SMAD3: variants seen among roughly 807,000 people sequenced by gnomAD.
SMAD3 encodes the protein SMAD family member 3.
In SMAD3, 12 loss-of-function variants were observed where a neutral mutation model predicts 51.8. The ratio of observed to expected loss-of-function variants is 0.23; its 90% CI spans 0.15 to 0.38. The LOEUF (loss-of-function observed/expected upper bound fraction) is 0.38. Among genes scored for constraint, SMAD3 ranks in the 10% least tolerant of loss-of-function variants. The probability of loss-of-function intolerance (pLI) is 1.00; values close to 1 mark genes in which losing one functional copy is unlikely to be tolerated. For synonymous variants in SMAD3, 238 were observed against 227.7 expected, an observed-to-expected ratio of 1.05 and a Z score of -0.41; for missense variants, 294 against 565.6, an observed-to-expected ratio of 0.52 and a Z score of 4.87.
rs1384059072 is a variant in SMAD3 at position 67,165,091 on chromosome 15, A to G, written c.400+3A>G. 1 of 1,614,132 alleles carries G rather than the reference A, an allele frequency of 6.2e-7. No individual in the cohort carries two copies. The highest frequency in any genetic ancestry group is 1.1e-5 in the South Asian group (1 of 91,082). ...CTACCAGAGAGTAGAGACACCAGGT[A>G]TGCTGCCTGGCCTGCCTGTGGGGAC... On this transcript the variant is annotated splice_donor_region_variant and intron_variant, in intron 2 of 8. Coordinates refer to ENST00000327367, the MANE Select transcript of SMAD3 (RefSeq NM_005902.4).
chr15:67,150,048 A>G (rs11637659), intron 1 of SMAD3, among the ~76,000 whole-genome samples: 122,697 of 152,138 alleles, frequency 0.81, 49,455 homozygotes, highest in Middle Eastern at 0.82. Context: ...TAAAAAGAAG[A>G]GACTGAGTTG....
Position 67,191,956 on chromosome 15 carries a change from C to G in SMAD3, c.*1420C>G. 1 of 229,404 alleles carries G rather than the reference C, an allele frequency of 4.4e-6. No homozygotes were observed. Among genetic ancestry groups the G allele is most frequent in the Non-Finnish European group, 8.7e-6 (1 of 115,308 alleles). 14.2% of individuals were successfully genotyped at this position (229,404 alleles called of 1,614,324 possible). On this transcript the variant is annotated 3_prime_UTR_variant, in exon 9 of 9. Coordinates refer to ENST00000327367, the MANE Select transcript of SMAD3 (RefSeq NM_005902.4). ...TCAACTGGAAAAAAGAAAAAAGAGTCCTCTTCTTTTCCCAGCCTTTTGCAG... is the reference window on the plus strand; with the variant it reads ...TCAACTGGAAAAAAGAAAAAAGAGTGCTCTTCTTTTCCCAGCCTTTTGCAG...
chr15:67,097,431 A>G (rs1301555504), intron 1 of SMAD3, among the ~76,000 whole-genome samples: 1 of 152,022 alleles, frequency 6.6e-6, no homozygotes, highest in Non-Finnish European at 1.5e-5. Context: ...TTTTGTAGAA[A>G]CAGAGTTTCA....
intron 1 of SMAD3, among the ~76,000 whole-genome samples, chr15:67,100,793 C>T (rs2140224035): frequency 6.6e-6 from 1 of 152,332 alleles, no homozygotes; most frequent in Non-Finnish European, 1.5e-5. Context: ...AATCCAGGCT[C>T]TACCTTTATG....
intron 5 of SMAD3, among the ~76,000 whole-genome samples, chr15:67,170,850 CGTGA>C (rs1467367052): frequency 1.3e-5 from 2 of 152,164 alleles, no homozygotes; most frequent in African/African-American, 4.8e-5. Flanking sequence ...GGCGGGTAGA[CGTGA>C]GTGAATGAAA....
At chr15:67,182,993 AAAAAAAAATATAT>A (rs1963104725) in intron 6 of SMAD3, among the ~76,000 whole-genome samples, 1 of 54,706 alleles carries the variant, frequency 1.8e-5, no homozygotes, top group East Asian at 7.3e-4. Flanking sequence ...TATTAAAAAA[AAAAAAAAATATAT>A]ATATATATAT....
intron 1 of SMAD3, among the ~76,000 whole-genome samples, chr15:67,094,214 A>G (rs1207678565): frequency 2.0e-5 from 3 of 152,154 alleles, no homozygotes; most frequent in Non-Finnish European, 4.4e-5. Flanking sequence ...GTGGCCATCC[A>G]CCAACCATCA....
rs187183651 is a variant in SMAD3 at position 67,092,750 on chromosome 15, C to T, written c.206+26390C>T. Among the ~76,000 whole-genome samples, 82 of 152,350 alleles carry T rather than the reference C, an allele frequency of 5.4e-4. 1 individual carries two copies. Among genetic ancestry groups the T allele is most frequent in the African/African-American group, 1.9e-3 (77 of 41,574 alleles). ...GTGCCCCTTTAGGCCCAAGCCTGCC[C>T]TTGCTCTTAACCTCTTAATGGGTTT... On this transcript the variant is annotated intron_variant, in intron 1 of 8. Coordinates refer to ENST00000327367, the MANE Select transcript of SMAD3 (RefSeq NM_005902.4).
intron 3 of SMAD3, among the ~76,000 whole-genome samples, chr15:67,165,654 G>A (rs1262617633): frequency 6.6e-6 from 1 of 152,250 alleles, no homozygotes; most frequent in Non-Finnish European, 1.5e-5. Flanking sequence ...CATTTATTTT[G>A]GAAGCGGAAA....
chr15:67,160,615 C>A (rs948463820), intron 1 of SMAD3, among the ~76,000 whole-genome samples: 1 of 151,710 alleles, frequency 6.6e-6, no homozygotes. Context: ...ACTAAAAATA[C>A]GAAAAATTAG....
intron 1 of SMAD3, among the ~76,000 whole-genome samples, chr15:67,122,965 C>T (rs1961301820): frequency 1.3e-5 from 2 of 151,972 alleles, no homozygotes; most frequent in Admixed American, 1.3e-4. Flanking sequence ...GTGGGAGGAT[C>T]GCTTGAGGCC....
chr15:67,174,129 C>T (rs1732680672), intron 5 of SMAD3, among the ~76,000 whole-genome samples: 1 of 152,190 alleles, frequency 6.6e-6, no homozygotes. Flanking sequence ...TGTATTGTGG[C>T]CTCTCCTCCA....
intron 1 of SMAD3, among the ~76,000 whole-genome samples, chr15:67,094,188 C>T (rs958416144): frequency 1.3e-5 from 2 of 152,284 alleles, no homozygotes; most frequent in South Asian, 2.1e-4. Context: ...GCCTGCACCT[C>T]GGCGAGTCAG....
rs1429510155 is a variant in SMAD3, at chr15:67,182,996, A to AT, written c.871+1543_871+1544insT. Among the ~76,000 whole-genome samples the AT allele has an allele frequency of 1.1e-3, 61 of 55,260 alleles. 1 individual carries two copies. Among genetic ancestry groups the AT allele is most frequent in the East Asian group, 2.9e-3 (5 of 1,704 alleles). The allele number at this position is 55,260 out of a possible 152,430, so 36.3% of individuals were successfully genotyped here. Reference sequence around the variant, plus strand: ...TTTTCTATATTTTATTAAAAAAAAAAAAAAATATATATATATATATATATA... The same window carrying AT: ...TTTTCTATATTTTATTAAAAAAAAAATAAAAATATATATATATATATATATA... On this transcript the variant is annotated intron_variant, in intron 6 of 8. Coordinates refer to ENST00000327367, the MANE Select transcript of SMAD3 (RefSeq NM_005902.4).
chr15:67,100,402 G>A (rs1960724720), intron 1 of SMAD3, among the ~76,000 whole-genome samples: 1 of 151,996 alleles, frequency 6.6e-6, no homozygotes, highest in African/African-American at 2.4e-5. Flanking sequence ...CATGGATACA[G>A]GGTTTCCTTG....
rs960212197 is a variant in SMAD3, at chr15:67,145,653, G to A, written c.207-19242G>A. Among the ~76,000 whole-genome samples, 15 of 152,140 alleles carry A rather than the reference G, an allele frequency of 9.9e-5. 1 individual carries two copies. The highest frequency in any genetic ancestry group is 3.9e-4 in the Admixed American group (6 of 15,280). On this transcript the variant is annotated intron_variant, in intron 1 of 8. Transcript: ENST00000327367. ...ACTGTATGTCAGTGTGGCGCTTACC[G>A]GTTTATGAAGGGCCTACATGTGCAA...
chr15:67,188,710 T>C lies in SMAD3; in HGVS notation c.1154+1201T>C, dbSNP rs78985811. Among the ~76,000 whole-genome samples the C allele has an allele frequency of 6.1e-3, 935 of 152,382 alleles. 14 individuals carry two copies. The highest frequency in any genetic ancestry group is 0.019 in the African/African-American group (787 of 41,590). ...AGCTACTCTCCCTTTCTCTTCATTT[T>C]TCCAGATGTTTGGAATCCATTTTGT... On this transcript the variant is annotated intron_variant, in intron 8 of 8. Transcript: ENST00000327367.
chr15:67,166,765 CTTCT>C lies in SMAD3; in HGVS notation c.533-13_533-10del, dbSNP rs752716057. On this transcript the variant is annotated splice_polypyrimidine_tract_variant and intron_variant, in intron 3 of 8. Coordinates refer to ENST00000327367, the MANE Select transcript of SMAD3 (RefSeq NM_005902.4). ...GAAGGCCTTTTAACAGACCACCTTC[CTTCT>C]GATTCCCAGAGACCCCACCCCCTGG... is the stretch of plus-strand genomic sequence containing the variant. 4.4e-6 allele frequency: 7 copies of C among 1,576,834 alleles called. No homozygotes were observed. In the Admixed American group the frequency reaches 7.3e-5, roughly 16 times the overall value.
At position 67,191,035 on chromosome 15, in the gene SMAD3, G is replaced by GGCC; in HGVS notation, c.*499_*500insGCC. 1.8e-5 allele frequency: 4 copies of GGCC among 224,524 alleles called. No homozygotes were observed. The highest frequency in any genetic ancestry group is 2.6e-5 in the Non-Finnish European group (3 of 114,162). 13.9% of individuals were successfully genotyped at this position (224,524 alleles called of 1,614,324 possible). The stretch of plus-strand genomic sequence containing the variant: ...TCTTCCAGTGAACATTCCCAGCCCA[G>GGCC]CCCCGCCCCGCCCCGCCCCACCACT... On this transcript the variant is annotated 3_prime_UTR_variant, in exon 9 of 9. Coordinates refer to ENST00000327367, the MANE Select transcript of SMAD3 (RefSeq NM_005902.4).
Sources: gnomAD v4.1 joint callset for allele counts (sites outside exome capture counted in the v4.1 genomes callset) on GRCh38, gnomAD v4.1.1 for gene constraint, MANE v1.5 for transcripts, NCBI Gene and HGNC (gene_info 2026-07-23, HGNC 2026-07-21) for gene names.